RUNX1T1: variants seen among roughly 807,000 people sequenced by gnomAD.
RUNX1T1 encodes the protein protein CBFA2T1.
RUNX1T1 carries 4 observed loss-of-function variants against 62.8 expected under a neutral mutation model. The observed-to-expected ratio is 0.06, with a 90% CI of 0.03 to 0.15. The LOEUF (loss-of-function observed/expected upper bound fraction) is 0.15, where lower values mean the gene tolerates loss of function less well. Ranked by LOEUF, RUNX1T1 falls within the 10% of genes least tolerant of loss-of-function variation. The probability of loss-of-function intolerance (pLI) is 1.00; values close to 1 mark genes in which losing one functional copy is unlikely to be tolerated. For synonymous variants in RUNX1T1, 291 were observed against 286.0 expected (o/e 1.02, Z -0.18); for missense variants, 508 against 754.3 (o/e 0.67, Z 3.82).
In RUNX1T1 at chr8:91,966,159, A is replaced by G. The variant is rs558775842; in HGVS notation, c.1458+4499T>C. 6.2e-5 allele frequency among the ~76,000 whole-genome samples: 9 copies of G among 145,990 alleles called. No homozygotes were observed. In the South Asian group the frequency reaches 1.9e-3, roughly 31 times the overall value. ...TATAATTGTACATATTGTATATTGT[A>G]TAACTATATATATATATATATGTAA... On this transcript the variant is annotated intron_variant, in intron 10 of 10. Coordinates refer to ENST00000396218, the Ensembl canonical transcript of RUNX1T1.
At chr8:92,002,187 T>C (rs1228471933) in intron 5 of RUNX1T1, among the ~76,000 whole-genome samples, 6 of 152,160 alleles carry the variant, frequency 3.9e-5, no homozygotes, top group Non-Finnish European at 2.9e-5. Context: ...AGAAATAACA[T>C]AATTTTATAA....
chr8:92,091,549 G>A (rs1291308854), intron 1 of RUNX1T1, among the ~76,000 whole-genome samples: 1 of 152,168 alleles, frequency 6.6e-6, no homozygotes, highest in Non-Finnish European at 1.5e-5. Context: ...GTAAGGTACC[G>A]TGGCTTCAAA....
intron 2 of RUNX1T1, among the ~76,000 whole-genome samples, chr8:92,070,543 C>T (rs184420601): frequency 3.3e-5 from 5 of 152,130 alleles, no homozygotes; most frequent in Admixed American, 2.0e-4. Context: ...CAGGCTAATG[C>T]AATTATTTAA....
intron 1 of RUNX1T1, among the ~76,000 whole-genome samples, chr8:92,030,071 C>A (rs1470961805): frequency 6.6e-6 from 1 of 152,126 alleles, no homozygotes; most frequent in Admixed American, 6.5e-5. Context: ...CTTATCTCAT[C>A]TCATGCCTCA....
intron 7 of RUNX1T1, 125 bp downstream of exon 8, chr8:91,986,762 T>A (rs1816650665): frequency 2.9e-6 from 2 of 689,346 alleles, no homozygotes; most frequent in Non-Finnish European, 5.2e-6. Flanking sequence ...TCGCTCATTT[T>A]TTTTTCAAGG....
intron 1 of RUNX1T1, among the ~76,000 whole-genome samples, chr8:92,076,600 T>G (rs7461004): frequency 0.75 from 113,279 of 151,960 alleles, 42,931 homozygotes; most frequent in East Asian, 0.99. Flanking sequence ...AAATTTTGTT[T>G]CGCTGTTCTG....
intron 1 of RUNX1T1, among the ~76,000 whole-genome samples, chr8:92,031,769 C>G (rs1228642460): frequency 6.6e-6 from 1 of 151,956 alleles, no homozygotes; most frequent in Non-Finnish European, 1.5e-5. Context: ...TGCCCAGCAG[C>G]CTAAAGTTTA....
chr8:91,976,649 G>A (rs549069114), intron 8 of RUNX1T1, among the ~76,000 whole-genome samples: 5 of 152,304 alleles, frequency 3.3e-5, no homozygotes, highest in East Asian at 1.9e-4. Context: ...CTTACTAGGC[G>A]TCTCAAATTT....
At chr8:92,025,880 A>G (rs1452649458) in intron 1 of RUNX1T1, among the ~76,000 whole-genome samples, 2 of 152,342 alleles carry the variant, frequency 1.3e-5, no homozygotes, top group African/African-American at 4.8e-5. Context: ...TCAATTCACC[A>G]GTTTTCTAAC....
At chr8:92,078,513 C>A (rs959376991) in intron 1 of RUNX1T1, among the ~76,000 whole-genome samples, 6 of 152,040 alleles carry the variant, frequency 3.9e-5, no homozygotes, top group Non-Finnish European at 5.9e-5. Context: ...TAAGCTCCAC[C>A]AAGAGCAGAA....
intron 1 of RUNX1T1, among the ~76,000 whole-genome samples, chr8:92,090,319 C>T (rs1282945438): frequency 6.6e-6 from 1 of 151,728 alleles, no homozygotes; most frequent in Non-Finnish European, 1.5e-5. Context: ...GGAAGTTGAA[C>T]CTGGCCAACT....
exon 11 of RUNX1T1, chr8:91,960,298 T>C (rs1389229405): frequency 6.2e-7 from 1 of 1,610,036 alleles, no homozygotes; most frequent in Admixed American, 1.7e-5. Flanking sequence ...GACCTCGGAG[T>C]GGCTGCTGGT....
At chr8:92,073,554 G>C (rs1023893846) in intron 2 of RUNX1T1, among the ~76,000 whole-genome samples, 1 of 152,046 alleles carries the variant, frequency 6.6e-6, no homozygotes, top group Non-Finnish European at 1.5e-5. Context: ...AAAACTCTAA[G>C]AGCCCAATGG....
exon 1 of RUNX1T1, chr8:92,062,786 C>T: frequency 6.7e-7 from 1 of 1,493,740 alleles, no homozygotes; most frequent in Non-Finnish European, 8.9e-7. Context: ...GACAGGAGCA[C>T]ATGTGGCCTT....
Position 92,083,008 on chromosome 8 carries a change from C to A in RUNX1T1, c.-85-6871G>T, listed in dbSNP as rs79235063. On this transcript the variant is annotated intron_variant, in intron 1 of 11. Transcript: ENST00000265814. ...CACTACAATGGTTTTCAGCCTTGTT[C>A]GGACCCTTGATCAAAGAAATTGTTC... Among the ~76,000 whole-genome samples the A allele has an allele frequency of 2.4e-3, 361 of 152,226 alleles. 1 individual carries two copies. Among genetic ancestry groups the A allele is most frequent in the African/African-American group, 8.2e-3 (341 of 41,532 alleles).
chr8:92,053,132 T>G (rs1830482640), intron 1 of RUNX1T1, among the ~76,000 whole-genome samples: 1 of 151,806 alleles, frequency 6.6e-6, no homozygotes, highest in South Asian at 2.1e-4. Context: ...TTAAAATCAT[T>G]CAAATTTTTA....
rs61066655 is a variant in RUNX1T1 at position 92,060,522 on chromosome 8, A to AATATAT, written c.7+2018_7+2023dup. ...ATTAGTTCTGATACTTCAACTACCA[A>AATATAT]ATATATATATATATATATATATATA... On this transcript the variant is annotated intron_variant, in intron 1 of 10. Transcript: ENST00000396218. 2.0e-3 allele frequency among the ~76,000 whole-genome samples: 156 copies of AATATAT among 76,290 alleles called. 1 individual carries two copies. The highest frequency in any genetic ancestry group is 2.6e-3 in the Non-Finnish European group (101 of 38,338). The allele number at this position is 76,290 out of a possible 152,430, so 50.0% of individuals were successfully genotyped here.
At chr8:91,972,424 T>C (rs1259495395) in intron 9 of RUNX1T1, among the ~76,000 whole-genome samples, 1 of 152,144 alleles carries the variant, frequency 6.6e-6, no homozygotes, top group African/African-American at 2.4e-5. Context: ...TAAATTATAT[T>C]AAGCCGTTGT....
At chr8:92,061,943 G>C (rs1287030070) in intron 1 of RUNX1T1, among the ~76,000 whole-genome samples, 1 of 152,158 alleles carries the variant, frequency 6.6e-6, no homozygotes, top group Admixed American at 6.5e-5. Flanking sequence ...ATTTTTCAGA[G>C]GAAACTGACA....
Sources: gnomAD v4.1 joint callset for allele counts (sites outside exome capture counted in the v4.1 genomes callset) on GRCh38, gnomAD v4.1.1 for gene constraint, MANE v1.5 for transcripts, NCBI Gene and HGNC (gene_info 2026-07-23, HGNC 2026-07-21) for gene names.